The following BICD1 variants were observed in gnomAD, a reference collection of about 807,000 sequenced individuals.
BICD1 encodes the protein BICD cargo adaptor 1, also known as protein bicaudal D homolog 1.
BICD1 carries 35 observed loss-of-function variants against 92.5 expected under a neutral mutation model. The ratio of observed to expected loss-of-function variants is 0.38; its 90% CI spans 0.29 to 0.50. The LOEUF is 0.50. Among genes scored for constraint, BICD1 ranks in the 20% least tolerant of loss-of-function variants. The pLI is 0.93. For synonymous variants in BICD1, 429 were observed against 465.1 expected (o/e 0.92, Z 1.00); for missense variants, 950 against 1,189.8 (o/e 0.80, Z 2.97).
intron 1 of BICD1, among the ~76,000 whole-genome samples, chr12:32,140,471 TG>T (rs1353611107): frequency 2.6e-5 from 4 of 152,120 alleles, no homozygotes; most frequent in Non-Finnish European, 5.9e-5. Context: ...TCTTGTTTGT[TG>T]TTGTTGTTGT....
intron 2 of BICD1, among the ~76,000 whole-genome samples, chr12:32,253,287 A>G (rs1946616027): frequency 6.6e-6 from 1 of 152,158 alleles, no homozygotes; most frequent in Non-Finnish European, 1.5e-5. Context: ...AATGCCAGGA[A>G]TTATGCTAGT....
intron 2 of BICD1, among the ~76,000 whole-genome samples, chr12:32,271,479 G>A (rs1947140061): frequency 6.6e-6 from 1 of 152,058 alleles, no homozygotes; most frequent in African/African-American, 2.4e-5. Flanking sequence ...TATTGTTCCT[G>A]GCCCAGACCA....
intron 8 of BICD1, chr12:32,353,345 T>C (rs1277672556): frequency 6.6e-6 from 1 of 152,228 alleles, no homozygotes; most frequent in East Asian, 1.9e-4. Context: ...TTTAATTTGC[T>C]TGTGAAGACA....
At chr12:32,152,202 C>T (rs1433938705) in intron 1 of BICD1, among the ~76,000 whole-genome samples, 1 of 151,972 alleles carries the variant, frequency 6.6e-6, no homozygotes, top group East Asian at 1.9e-4. Context: ...GGTGATCCAC[C>T]TGCCTTGGCC....
intron 8 of BICD1, among the ~76,000 whole-genome samples, chr12:32,350,629 G>A (rs1048891502): frequency 2.6e-5 from 4 of 152,144 alleles, no homozygotes; most frequent in African/African-American, 4.8e-5. Context: ...GGGAAGCATC[G>A]CTGCCACCCT....
intron 2 of BICD1, among the ~76,000 whole-genome samples, chr12:32,217,468 C>T (rs1011684112): frequency 1.3e-5 from 2 of 152,164 alleles, no homozygotes; most frequent in South Asian, 4.1e-4. Flanking sequence ...AGATAATTTA[C>T]GTTTACACAT....
chr12:32,183,733 G>A lies in BICD1; in HGVS notation c.214-32514G>A, dbSNP rs569458369. On this transcript the variant is annotated intron_variant, in intron 1 of 9. Coordinates refer to ENST00000652176, the MANE Select transcript of BICD1 (RefSeq NM_001714.4). ...TGACCCTGTAGCCTAAGAAGAATGTGTATTCAGAGTTCCCAGCTAATAAAT... is the reference window on the plus strand; with the variant it reads ...TGACCCTGTAGCCTAAGAAGAATGTATATTCAGAGTTCCCAGCTAATAAAT... 7.2e-4 allele frequency among the ~76,000 whole-genome samples: 110 copies of A among 152,178 alleles called. 1 individual carries two copies. Among genetic ancestry groups the A allele is most frequent in the Non-Finnish European group, 1.3e-3 (91 of 68,030 alleles).
chr12:32,350,828 A>G (rs1411637249), intron 8 of BICD1, among the ~76,000 whole-genome samples: 3 of 152,248 alleles, frequency 2.0e-5, no homozygotes, highest in Admixed American at 6.5e-5. Context: ...CAAAAAGTGT[A>G]AAGTCATAAA....
intron 1 of BICD1, among the ~76,000 whole-genome samples, chr12:32,207,589 A>G (rs1379987737): frequency 6.6e-6 from 1 of 152,232 alleles, no homozygotes; most frequent in East Asian, 1.9e-4. Context: ...TTTTCAGAAT[A>G]CAAAATGAGA....
At chr12:32,372,935 G>A (rs1029964085) in intron 9 of BICD1, among the ~76,000 whole-genome samples, 5 of 152,152 alleles carry the variant, frequency 3.3e-5, no homozygotes, top group Admixed American at 2.0e-4. Context: ...TAATTCCATT[G>A]TAGAGCTAAA....
chr12:32,265,259 G>C (rs769476507), intron 2 of BICD1, among the ~76,000 whole-genome samples: 1 of 152,040 alleles, frequency 6.6e-6, no homozygotes, highest in African/African-American at 2.4e-5. Flanking sequence ...CCTGTACTTC[G>C]TTCAGTTCTC....
rs908778867 is a variant in BICD1 at position 32,111,754 on chromosome 12, T to C, written c.213+4210T>C. ...TCCGGAGTAGCTGAGACTACACGCA[T>C]TCACCACCACACCTGGCTAATTTTT... is the stretch of plus-strand genomic sequence containing the variant. On this transcript the variant is annotated intron_variant, in intron 1 of 9. Transcript: ENST00000652176. Among the ~76,000 whole-genome samples the C allele has an allele frequency of 3.3e-5, 5 of 152,048 alleles. 1 individual carries two copies. The highest frequency in any genetic ancestry group is 1.3e-4 in the Admixed American group (2 of 15,270).
chr12:32,263,937 A>T (rs1218331846), intron 2 of BICD1, among the ~76,000 whole-genome samples: 2 of 151,984 alleles, frequency 1.3e-5, no homozygotes, highest in East Asian at 1.9e-4. Flanking sequence ...ATTCTTTAAA[A>T]TTTTTTTTAC....
rs116045643 is a variant in BICD1, at chr12:32,335,449, T to A, written c.2252+782T>A. ...ACAGGCGTGAGCCACCGCGCCCGGC[T>A]GTATTTTGTGTTTAAACATGAAGTG... On this transcript the variant is annotated intron_variant, in intron 6 of 9. Coordinates refer to ENST00000652176, the MANE Select transcript of BICD1 (RefSeq NM_001714.4). Among the ~76,000 whole-genome samples, 52 of 151,976 alleles carry A rather than the reference T, an allele frequency of 3.4e-4. 1 individual carries two copies. Among genetic ancestry groups the A allele is most frequent in the African/African-American group, 1.2e-3 (49 of 41,496 alleles).
chr12:32,346,558 A>ATATATATATATATATACGTGTG (rs1938589305), intron 8 of BICD1, among the ~76,000 whole-genome samples: 1 of 22,090 alleles, frequency 4.5e-5, no homozygotes, highest in African/African-American at 2.7e-4. Flanking sequence ...ATATATATAT[A>ATATATATATATATATACGTGTG]TATATATATA....
At chr12:32,274,782 A>G (rs1466925370) in intron 2 of BICD1, among the ~76,000 whole-genome samples, 2 of 152,220 alleles carry the variant, frequency 1.3e-5, no homozygotes, top group African/African-American at 4.8e-5. Flanking sequence ...CATATGTTCT[A>G]GAACTAGACA....
Position 32,337,685 on chromosome 12 carries a change from G to C in BICD1, c.2439G>C (p.Lys813Asn). Residue 813 changes from lysine (K) to asparagine (N), a missense_variant, in exon 7 of 10, where the codon AAG becomes AAC. Around this residue, in one of 5 missense-constraint regions of BICD1, gnomAD observed 309 missense variants for 499.4 expected, o/e 0.62. Coordinates refer to ENST00000652176, the MANE Select transcript of BICD1 (RefSeq NM_001714.4). The surrounding 1 kb of genome is among the most constrained non-coding windows in gnomAD (Gnocchi z 4.7). ...GACGCAGCAAAGGCAAACTTGGAAA[G>C]AGCAAGATCGGCAGCCCTAAAGTAA... is the stretch of plus-strand genomic sequence containing the variant. ...QSRRSKGKLG[K>N]SKIGSPKVSG... 6.2e-7 allele frequency: 1 copy of C among 1,614,182 alleles called. No individual in the cohort carries two copies. The highest frequency in any genetic ancestry group is 8.5e-7 in the Non-Finnish European group (1 of 1,180,020).
At chr12:32,159,648 G>A (rs1286082948) in intron 1 of BICD1, among the ~76,000 whole-genome samples, 2 of 152,188 alleles carry the variant, frequency 1.3e-5, no homozygotes, top group Non-Finnish European at 2.9e-5. Context: ...TTCTGGAATT[G>A]TTTGGCTGCC....
intron 2 of BICD1, among the ~76,000 whole-genome samples, chr12:32,241,724 C>T (rs1429417999): frequency 6.6e-6 from 1 of 152,150 alleles, no homozygotes; most frequent in African/African-American, 2.4e-5. Context: ...GTGCTCTGCT[C>T]TAACTGCTTT....
Sources: gnomAD v4.1 joint callset for allele counts (sites outside exome capture counted in the v4.1 genomes callset) on GRCh38, gnomAD v4.1.1 for gene constraint, gnomAD v4.1.1 regional missense constraint, Gnocchi (gnomAD v3.1) non-coding constraint, MANE v1.5 for transcripts, NCBI Gene and HGNC (gene_info 2026-07-23, HGNC 2026-07-21) for gene names.